MACF1: variants seen among roughly 807,000 people sequenced by gnomAD.
The protein encoded by MACF1 is microtubule actin crosslinking factor 1, also known as microtubule-actin cross-linking factor 1.
In MACF1, 193 loss-of-function variants were observed where a neutral mutation model predicts 854.8. The observed-to-expected ratio is 0.23, with a 90% CI of 0.20 to 0.25. MACF1 has a LOEUF of 0.25. Among genes scored for constraint, MACF1 ranks in the 10% least tolerant of loss-of-function variants. MACF1 has a pLI of 1.00. For synonymous variants in MACF1, 3,185 were observed against 3,226.7 expected (o/e 0.99, Z 0.44); for missense variants, 7,722 against 8,929.1 (o/e 0.86, Z 5.45).
chr1:39,112,087 C>CTTTT (rs569400137), intron 2 of MACF1, among the ~76,000 whole-genome samples: 19,175 of 133,260 alleles, frequency 0.14, 1,809 homozygotes, highest in Non-Finnish European at 0.2. Context: ...TTATTCAAAT[C>CTTTT]TTTTTTTTTT....
chr1:39,335,823 C>T lies in MACF1; in HGVS notation c.9235C>T (p.Leu3079Phe). 1 of 1,614,134 alleles carries T rather than the reference C, an allele frequency of 6.2e-7. No homozygotes were observed. The highest frequency in any genetic ancestry group is 8.5e-7 in the Non-Finnish European group (1 of 1,180,004). Reference sequence around the variant, plus strand: ...TGAAGGAAAAGTAAACAATTTAAGTCTCTGCTTGACTTTAAAACCAGAAGA... The same window carrying T: ...TGAAGGAAAAGTAAACAATTTAAGTTTCTGCTTGACTTTAAAACCAGAAGA... ...ANEGKVNNLSLCLTLKPEENL... is the reference protein window; with the variant it reads ...ANEGKVNNLSFCLTLKPEENL... Residue 3079 changes from leucine to phenylalanine, a missense_variant, in exon 37 of 101, where the codon CTC (leucine) becomes TTC (phenylalanine). Physicochemically the swap from Leu to Phe is conservative, Grantham distance 22 (BLOSUM62 0). Around this residue, in one of 15 missense-constraint regions of MACF1, gnomAD observed 854 missense variants for 852.6 expected, o/e 1.00. Transcript: ENST00000564288.
intron 58 of MACF1, among the ~76,000 whole-genome samples, chr1:39,407,421 G>T (rs989770253): frequency 2.0e-5 from 3 of 152,204 alleles, no homozygotes; most frequent in African/African-American, 7.2e-5. Flanking sequence ...AGAGGACACA[G>T]GATTCTGGGG....
Position 39,432,613 on chromosome 1 carries a change from C to A in MACF1, c.17416C>A (p.Leu5806Met). ...ACTGATGGCTCTGGGTCCAATTCGC[C>A]TGGAACAGGACCAGACCACAGCTCA... Reference protein sequence around the residue: ...RKLMALGPIRLEQDQTTAQLQ... With the variant: ...RKLMALGPIRMEQDQTTAQLQ... The change falls in exon 67 of 101, where the codon CTG becomes ATG. Residue 5806 changes from leucine (L) to methionine (M), a missense_variant. Coordinates refer to ENST00000564288, the MANE Select transcript of MACF1 (RefSeq NM_001394062.1). The A allele has an allele frequency of 6.2e-7, 1 of 1,614,034 alleles. No homozygotes were observed. The highest frequency in any genetic ancestry group is 1.1e-5 in the South Asian group (1 of 91,088).
At chr1:39,122,084 G>A (rs1173499666) in intron 2 of MACF1, among the ~76,000 whole-genome samples, 1 of 152,072 alleles carries the variant, frequency 6.6e-6, no homozygotes, top group Non-Finnish European at 1.5e-5. Context: ...GGTTGTGTCT[G>A]TAGCGCTCTT....
chr1:39,472,085 T>G (rs899763567), intron 97 of MACF1, among the ~76,000 whole-genome samples: 4 of 152,142 alleles, frequency 2.6e-5, no homozygotes, highest in Non-Finnish European at 5.9e-5. Flanking sequence ...GAACTTGAGG[T>G]GGCTGCCGTC....
chr1:39,107,753 T>C (rs1341961543), intron 2 of MACF1, among the ~76,000 whole-genome samples: 1 of 152,140 alleles, frequency 6.6e-6, no homozygotes, highest in Non-Finnish European at 1.5e-5. Context: ...TGGAAAGAGA[T>C]GGGAAAATAG....
At chr1:39,444,011 G>A (rs1401280932) in intron 79 of MACF1, among the ~76,000 whole-genome samples, 1 of 152,140 alleles carries the variant, frequency 6.6e-6, no homozygotes, top group African/African-American at 2.4e-5. Flanking sequence ...TAGATTATTG[G>A]AGTCTTTTGA....
intron 1 of MACF1, among the ~76,000 whole-genome samples, chr1:39,220,962 G>T (rs1234920873): frequency 2.0e-5 from 3 of 152,198 alleles, no homozygotes; most frequent in African/African-American, 7.2e-5. Flanking sequence ...CCGGAAAGGT[G>T]TAACAGAAGC....
rs753483780 is a variant in MACF1 at position 39,283,562 on chromosome 1, G to A, written c.915+47G>A. On this transcript the variant is annotated intron_variant, in intron 9 of 100. Transcript: ENST00000564288. The surrounding 1 kb of genome is among the most constrained non-coding windows in gnomAD (Gnocchi z 4.5). ...AGGCCTTCTGACTTTGATTCATTTGGGTGAAATGCATTGGTTAGACACTTT... is the reference window on the plus strand; with the variant it reads ...AGGCCTTCTGACTTTGATTCATTTGAGTGAAATGCATTGGTTAGACACTTT... 1.5e-6 allele frequency: 2 copies of A among 1,347,452 alleles called. No homozygotes were observed. Among genetic ancestry groups the A allele is most frequent in the African/African-American group, 1.4e-5 (1 of 69,306 alleles). The allele number at this position is 1,347,452 out of a possible 1,614,324, so 83.5% of individuals were successfully genotyped here.
chr1:39,204,014 C>CTT (rs1644422389), upstream of MACF1, among the ~76,000 whole-genome samples: 1 of 152,202 alleles, frequency 6.6e-6, no homozygotes, highest in South Asian at 2.1e-4. Flanking sequence ...TGGCACATGC[C>CTT]TGTAATCCCA....
chr1:39,442,073 T>A lies in MACF1; in HGVS notation c.18774+20T>A. On this transcript the variant is annotated intron_variant, in intron 75 of 100. Coordinates refer to ENST00000564288, the MANE Select transcript of MACF1 (RefSeq NM_001394062.1). ...ATGAAGGTTTGTATCTGGGTATGGC[T>A]TTTGAAGAAGAATTGTTTTATTATA... is the stretch of plus-strand genomic sequence containing the variant. The A allele has an allele frequency of 2.5e-6, 4 of 1,599,658 alleles. No homozygotes were observed. The highest frequency in any genetic ancestry group is 3.4e-6 in the Non-Finnish European group (4 of 1,175,208).
At chr1:39,458,663 T>C in intron 90 of MACF1, 173 bp downstream of exon 90, 1 of 763,678 alleles carries the variant, frequency 1.3e-6, no homozygotes. Flanking sequence ...ACAGTAGCTG[T>C]ACTCCATATT....
At chr1:39,256,072 C>T (rs921949437) in intron 5 of MACF1, among the ~76,000 whole-genome samples, 1 of 152,140 alleles carries the variant, frequency 6.6e-6, no homozygotes, top group Non-Finnish European at 1.5e-5. Context: ...ATTCAAAAGG[C>T]AGGCAATTTG....
chr1:39,422,760 G>C lies in MACF1; in HGVS notation c.16009G>C (p.Ala5337Pro). ...ACAAAGAATTGCACAGCTACAGGAA[G>C]CTTTGTTGCATTGTGGGAAGTTTCA... is the stretch of plus-strand genomic sequence containing the variant. ...VAQRIAQLQEALLHCGKFQDA... is the reference protein window; with the variant it reads ...VAQRIAQLQEPLLHCGKFQDA... Residue 5337 changes from alanine to proline, a missense_variant, in exon 60 of 101, where the codon GCT (alanine) becomes CCT (proline). Ala to Pro is a conservative substitution (Grantham distance 27). Transcript: ENST00000564288. The C allele has an allele frequency of 6.2e-7, 1 of 1,614,220 alleles. No homozygotes were observed. The highest frequency in any genetic ancestry group is 8.5e-7 in the Non-Finnish European group (1 of 1,180,032).
chr1:39,431,502 A>G (rs962750477), intron 66 of MACF1, among the ~76,000 whole-genome samples: 1 of 152,244 alleles, frequency 6.6e-6, no homozygotes, highest in Admixed American at 6.5e-5. Flanking sequence ...AGTGATGAAC[A>G]TATGCTTTTT....
chr1:39,378,044 G>A (rs2148550808), intron 52 of MACF1, among the ~76,000 whole-genome samples: 1 of 151,810 alleles, frequency 6.6e-6, no homozygotes, highest in South Asian at 2.1e-4. Context: ...TGTCCTTAAT[G>A]GTATTTTCAT....
Position 39,231,223 on chromosome 1 carries a change from G to A in MACF1, c.151G>A (p.Val51Ile). The A allele has an allele frequency of 1.9e-6, 3 of 1,614,190 alleles. No individual in the cohort carries two copies. The highest frequency in any genetic ancestry group is 2.5e-6 in the Non-Finnish European group (3 of 1,180,026). Residue 51 changes from valine to isoleucine, a missense_variant, in exon 2 of 101, where the codon GTC becomes ATC. Transcript: ENST00000564288. ...TCAGAAGAAAACGTTCACCAAGTGG[G>A]TCAACAAGCACTTAATGAAGGTAGG... ...RVQKKTFTKW[V>I]NKHLMKVRKH...
chr1:39,133,521 C>T (rs1171193003), intron 2 of MACF1, among the ~76,000 whole-genome samples: 1 of 151,868 alleles, frequency 6.6e-6, no homozygotes, highest in Non-Finnish European at 1.5e-5. Context: ...TCCTCGTCCT[C>T]CTCCTCATCC....
chr1:39,295,201 TA>T (rs769363374), intron 19 of MACF1, 51 bp downstream of exon 19: 24 of 1,459,650 alleles, frequency 1.6e-5, no homozygotes, highest in Non-Finnish European at 2.1e-5. Flanking sequence ...GTTGTTGTTA[TA>T]AAAGTATTCA....
Sources: allele counts gnomAD v4.1 joint callset (sites outside exome capture counted in the v4.1 genomes callset), GRCh38; gene constraint gnomAD v4.1.1; regional missense constraint gnomAD v4.1.1; non-coding constraint Gnocchi (gnomAD v3.1); transcripts MANE v1.5; gene names NCBI Gene and HGNC (gene_info 2026-07-23, HGNC 2026-07-21).